Variants in REPS1 observed in about 807,000 individuals in gnomAD.
REPS1 encodes RALBP1 associated Eps domain containing 1, also known as ralBP1-associated Eps domain-containing protein 1.
In REPS1, 39 loss-of-function variants were observed where a neutral mutation model predicts 100.9. The ratio of observed to expected loss-of-function variants is 0.39; its 90% CI spans 0.30 to 0.50. REPS1 has a LOEUF of 0.50. Ranked by LOEUF, REPS1 falls within the 20% of genes least tolerant of loss-of-function variation. The probability of loss-of-function intolerance (pLI) is 0.86; values close to 1 mark genes in which losing one functional copy is unlikely to be tolerated. For missense variants in REPS1, 821 were observed against 968.5 expected (o/e 0.85, Z 2.02); for synonymous variants, 324 against 340.3 (o/e 0.95, Z 0.53).
chr6:138,905,080 G>C lies in REPS1; in HGVS notation c.2375C>G (p.Pro792Arg), dbSNP rs780684767. Residue 792 changes from proline (P) to arginine (R), a missense_variant, in exon 20 of 20, where the codon CCA becomes CGA. Physicochemically the swap from Pro to Arg is moderately radical, Grantham distance 103 (BLOSUM62 -2). Coordinates refer to ENST00000450536, the MANE Select transcript of REPS1 (RefSeq NM_001286611.2). ...SLEVQLEQLR[P>R]FSHL ...GCAATTGGCTTATAGGTGAGAGAAT[G>C]GTCGAAGTTGTTCCAGTTGAACTTC... 1 of 1,613,838 alleles carries C rather than the reference G, an allele frequency of 6.2e-7. No individual in the cohort carries two copies. The highest frequency in any genetic ancestry group is 8.5e-7 in the Non-Finnish European group (1 of 1,179,832).
intron 1 of REPS1, among the ~76,000 whole-genome samples, chr6:138,983,819 G>A (rs974522699): frequency 1.3e-5 from 2 of 152,164 alleles, no homozygotes; most frequent in Middle Eastern, 3.2e-3. Flanking sequence ...CTGAACTGCT[G>A]TAAGAACCAG....
chr6:138,951,075 T>C (rs1362621154), intron 1 of REPS1: 4 of 151,822 alleles, frequency 2.6e-5, no homozygotes, highest in Admixed American at 2.6e-4. Context: ...TAATCCCAGC[T>C]ACTCAGGAGG....
intron 1 of REPS1, among the ~76,000 whole-genome samples, chr6:138,964,117 T>G (rs1783886296): frequency 6.6e-6 from 1 of 152,232 alleles, no homozygotes; most frequent in Non-Finnish European, 1.5e-5. Flanking sequence ...TCAAATGCTC[T>G]TTGATTTCAA....
intron 8 of REPS1, among the ~76,000 whole-genome samples, chr6:138,934,986 C>T (rs1045726577): frequency 1.3e-4 from 20 of 152,108 alleles, no homozygotes; most frequent in African/African-American, 3.4e-4. Flanking sequence ...GCATAAGCAA[C>T]GCATATGTAG....
chr6:138,982,915 G>A (rs1190576573), intron 1 of REPS1, among the ~76,000 whole-genome samples: 1 of 152,204 alleles, frequency 6.6e-6, no homozygotes, highest in Non-Finnish European at 1.5e-5. Context: ...TGAAGTGGCT[G>A]TGTTTCAAGA....
In REPS1 at chr6:138,984,273, G is replaced by A. The variant is rs574346958; in HGVS notation, c.153+3257C>T. Among the ~76,000 whole-genome samples the A allele has an allele frequency of 5.9e-5, 9 of 152,068 alleles. No individual in the cohort carries two copies. The South Asian group carries it at 1.7e-3, about 28-fold the overall frequency. On this transcript the variant is annotated intron_variant, in intron 1 of 19. Coordinates refer to ENST00000450536, the MANE Select transcript of REPS1 (RefSeq NM_001286611.2). ...TAATTTTGTATTTTTAGTACAGAAAGGGTTTCACCATGTTGGCCAGGTTGG... is the reference window on the plus strand; with the variant it reads ...TAATTTTGTATTTTTAGTACAGAAAAGGTTTCACCATGTTGGCCAGGTTGG...
chr6:138,987,674 G>A lies in REPS1; in HGVS notation c.9C>T (p.Gly3=). 3.2e-6 allele frequency: 5 copies of A among 1,543,056 alleles called. No individual in the cohort carries two copies. Among genetic ancestry groups the A allele is most frequent in the Non-Finnish European group, 4.4e-6 (5 of 1,143,780 alleles). The change falls in exon 1 of 20, where the codon GGC becomes GGT. Residue 3 remains glycine, a synonymous_variant. Coordinates refer to ENST00000450536, the MANE Select transcript of REPS1 (RefSeq NM_001286611.2). ME[G]LTLSDAEQKY... ...TCTGCTCCGCATCGCTCAGCGTTAA[G>A]CCTTCCATCTTCGCCTCCGGCTCAC...
At chr6:138,969,451 A>ATTT (rs1297090821) in intron 1 of REPS1, among the ~76,000 whole-genome samples, 5 of 133,142 alleles carry the variant, frequency 3.8e-5, no homozygotes, top group Admixed American at 1.5e-4. Context: ...CAGCTGGCCA[A>ATTT]TTTTTTTTTT....
chr6:138,959,477 A>ATAATG (rs1783602401), intron 1 of REPS1, among the ~76,000 whole-genome samples: 1 of 151,936 alleles, frequency 6.6e-6, no homozygotes, highest in Non-Finnish European at 1.5e-5. Flanking sequence ...TGAGTTTAAT[A>ATAATG]AAATGGAATC....
chr6:138,920,059 A>G (rs1011914956), intron 12 of REPS1, among the ~76,000 whole-genome samples, 156 bp downstream of exon 12: 1 of 152,204 alleles, frequency 6.6e-6, no homozygotes, highest in Non-Finnish European at 1.5e-5. Context: ...TCAATGGGCA[A>G]CCATTTATTC....
At position 138,905,027 on chromosome 6, in the gene REPS1, T is replaced by C; in HGVS notation, c.*37A>G. 6.2e-7 allele frequency: 1 copy of C among 1,608,464 alleles called. No homozygotes were observed. Among genetic ancestry groups the C allele is most frequent in the East Asian group, 2.2e-5 (1 of 44,812 alleles). On this transcript the variant is annotated 3_prime_UTR_variant, in exon 20 of 20. Transcript: ENST00000450536. ...AAATTGGCTTTGAACCCAAAACCACTTAAAAACAAGTATGTTCACAGTTAA... is the reference window on the plus strand; with the variant it reads ...AAATTGGCTTTGAACCCAAAACCACCTAAAAACAAGTATGTTCACAGTTAA...
At chr6:138,925,538 G>A (rs1394387580) in intron 10 of REPS1, among the ~76,000 whole-genome samples, 1 of 151,844 alleles carries the variant, frequency 6.6e-6, no homozygotes, top group Non-Finnish European at 1.5e-5. Flanking sequence ...AACGACTTAT[G>A]TCATTTTCTC....
At chr6:138,987,289 G>A (rs1785322231) in intron 1 of REPS1, among the ~76,000 whole-genome samples, 1 of 152,198 alleles carries the variant, frequency 6.6e-6, no homozygotes, top group Admixed American at 6.5e-5. Flanking sequence ...GGTCGTGGGG[G>A]ATACCGGCTG....
chr6:138,917,862 TA>T (rs1780506354), intron 12 of REPS1, among the ~76,000 whole-genome samples: 1 of 152,146 alleles, frequency 6.6e-6, no homozygotes, highest in African/African-American at 2.4e-5. Flanking sequence ...AATGAATACT[TA>T]ATGATGCAGA....
chr6:138,962,498 G>A (rs1783798223), intron 1 of REPS1, among the ~76,000 whole-genome samples: 1 of 151,948 alleles, frequency 6.6e-6, no homozygotes, highest in Non-Finnish European at 1.5e-5. Context: ...AGTAACCAAG[G>A]GAAATTAATT....
intron 1 of REPS1, among the ~76,000 whole-genome samples, chr6:138,954,543 T>C (rs190337795): frequency 6.7e-6 from 1 of 150,302 alleles, no homozygotes; most frequent in African/African-American, 2.4e-5. Context: ...AATTTCATGA[T>C]GTTTTAAGAA....
intron 8 of REPS1, among the ~76,000 whole-genome samples, chr6:138,939,951 G>A (rs1782116803): frequency 1.3e-5 from 2 of 152,100 alleles, no homozygotes; most frequent in African/African-American, 2.4e-5. Context: ...CAACCTATTC[G>A]TTGATAAAAG....
chr6:138,904,954 A>G lies in REPS1; in HGVS notation c.*110T>C, dbSNP rs758278576. Reference sequence around the variant, plus strand: ...TGAACATATAGGGCAAAACAGAATCATAAAATTTAATGTTGAGTTAAGCAG... The same window carrying G: ...TGAACATATAGGGCAAAACAGAATCGTAAAATTTAATGTTGAGTTAAGCAG... On this transcript the variant is annotated 3_prime_UTR_variant, in exon 20 of 20. Transcript: ENST00000450536. 3.8e-6 allele frequency: 3 copies of G among 799,388 alleles called. No homozygotes were observed. The highest frequency in any genetic ancestry group is 1.7e-5 in the African/African-American group (1 of 57,564). The allele number at this position is 799,388 out of a possible 1,614,324, so 49.5% of individuals were successfully genotyped here.
intron 17 of REPS1, chr6:138,909,037 G>C: frequency 2.0e-6 from 1 of 492,872 alleles, no homozygotes; most frequent in Non-Finnish European, 3.6e-6. Flanking sequence ...TGCAATATAA[G>C]TATTTTTAGA....
Sources: allele counts gnomAD v4.1 joint callset (sites outside exome capture counted in the v4.1 genomes callset), GRCh38; gene constraint gnomAD v4.1.1; transcripts MANE v1.5; gene names NCBI Gene and HGNC (gene_info 2026-07-23, HGNC 2026-07-21).